The following EGFR variants were observed in gnomAD, a reference collection of about 807,000 sequenced individuals.
The protein encoded by EGFR is avian erythroblastic leukemia viral (v-erb-b) oncogene homolog.
In EGFR, 58 loss-of-function variants were observed where a neutral mutation model predicts 143.0. The ratio of observed to expected loss-of-function variants is 0.41; its 90% CI spans 0.33 to 0.50. The LOEUF (loss-of-function observed/expected upper bound fraction) is 0.50. Among genes scored for constraint, EGFR ranks in the 20% least tolerant of loss-of-function variants. The probability of loss-of-function intolerance (pLI) is 0.39; values close to 1 mark genes in which losing one functional copy is unlikely to be tolerated. For synonymous variants in EGFR, 613 were observed against 594.4 expected, an observed-to-expected ratio of 1.03 and a Z score of -0.45; for missense variants, 1,307 against 1,579.0, an observed-to-expected ratio of 0.83 and a Z score of 2.92.
intron 1 of EGFR, among the ~76,000 whole-genome samples, chr7:55,034,943 A>G (rs1787473127): frequency 6.6e-6 from 1 of 152,180 alleles, no homozygotes; most frequent in African/African-American, 2.4e-5. Context: ...TGCAAGTGGG[A>G]TGAAGGGTGG....
At chr7:55,133,580 C>T (rs529068832) in intron 1 of EGFR, among the ~76,000 whole-genome samples, 9 of 152,232 alleles carry the variant, frequency 5.9e-5, no homozygotes, top group Non-Finnish European at 1.3e-4. Flanking sequence ...CTACCTTCTA[C>T]CAGATGTCTC....
intron 1 of EGFR, among the ~76,000 whole-genome samples, chr7:55,121,554 T>C (rs1793208280): frequency 6.6e-6 from 1 of 152,214 alleles, no homozygotes; most frequent in South Asian, 2.1e-4. Flanking sequence ...TGTCTTCTGC[T>C]CTGTCTCCCT....
intron 1 of EGFR, among the ~76,000 whole-genome samples, chr7:55,047,374 G>A (rs755097659): frequency 6.6e-6 from 1 of 152,244 alleles, no homozygotes; most frequent in Non-Finnish European, 1.5e-5. Flanking sequence ...CCTGAAAAGA[G>A]AGTAGCCTAA....
At chr7:55,034,295 C>G (rs11978110) in intron 1 of EGFR, among the ~76,000 whole-genome samples, 74,926 of 151,944 alleles carry the variant, frequency 0.49, 18,895 homozygotes, top group East Asian at 0.8. Context: ...GTGCAGTGGC[C>G]CGACCTCGGC....
intron 1 of EGFR, among the ~76,000 whole-genome samples, chr7:55,141,067 T>C (rs1419619535): frequency 6.6e-6 from 1 of 152,202 alleles, no homozygotes; most frequent in Non-Finnish European, 1.5e-5. Flanking sequence ...GTGTATTGAT[T>C]TTGGCCATGG....
At chr7:55,107,230 C>T (rs1792189364) in intron 1 of EGFR, among the ~76,000 whole-genome samples, 1 of 152,174 alleles carries the variant, frequency 6.6e-6, no homozygotes, top group Non-Finnish European at 1.5e-5. Flanking sequence ...TTCTTTCCCT[C>T]CCCAGTTTTT....
chr7:55,084,586 T>C (rs923204050), intron 1 of EGFR, among the ~76,000 whole-genome samples: 1 of 152,230 alleles, frequency 6.6e-6, no homozygotes, highest in Admixed American at 6.5e-5. Context: ...AGAGATATAA[T>C]AAAGCTGGAC....
At chr7:55,160,067 A>C in intron 11 of EGFR, 72 bp from the exon 12 acceptor site, 1 of 1,549,340 alleles carries the variant, frequency 6.5e-7, no homozygotes, top group Non-Finnish European at 8.9e-7. Flanking sequence ...GGTGGTCTGG[A>C]GAAACAAAGT....
chr7:55,188,417 G>A (rs1041457798), intron 20 of EGFR, among the ~76,000 whole-genome samples: 1 of 152,186 alleles, frequency 6.6e-6, no homozygotes, highest in Non-Finnish European at 1.5e-5. Flanking sequence ...AATAAGCCCC[G>A]ACAGCCATGT....
chr7:55,176,838 ATATTTAGAGAGATATATATT>A (rs1562786987), intron 19 of EGFR, among the ~76,000 whole-genome samples: 1 of 147,120 alleles, frequency 6.8e-6, no homozygotes, highest in African/African-American at 2.5e-5. Flanking sequence ...AGAGAGATAT[ATATTTAGAGAGATATATATT>A]TAGAGATTTA....
In EGFR at chr7:55,090,382, C is replaced by G. The variant is rs574000135; in HGVS notation, c.89-51904C>G. Among the ~76,000 whole-genome samples, 5 of 152,340 alleles carry G rather than the reference C, an allele frequency of 3.3e-5. No homozygotes were observed. In the South Asian group the frequency reaches 1.0e-3, roughly 32 times the overall value. The stretch of plus-strand genomic sequence containing the variant: ...CAGTACAAAGGCCACCAGCCAAGGT[C>G]ACACAGCCAAAAAGCCCCTGACCTC... On this transcript the variant is annotated intron_variant, in intron 1 of 27. Transcript: ENST00000275493.
intron 1 of EGFR, among the ~76,000 whole-genome samples, chr7:55,123,052 G>A (rs1055055184): frequency 1.3e-5 from 2 of 152,238 alleles, no homozygotes; most frequent in Admixed American, 1.3e-4. Flanking sequence ...GGATGACCAG[G>A]CTAGTTTGTA....
At chr7:55,036,681 TA>T (rs529777647) in intron 1 of EGFR, among the ~76,000 whole-genome samples, 1 of 152,176 alleles carries the variant, frequency 6.6e-6, no homozygotes, top group Non-Finnish European at 1.5e-5. Flanking sequence ...TATAACTAGC[TA>T]AAAGATCTCT....
chr7:55,099,343 A>G (rs1204402899), intron 1 of EGFR, among the ~76,000 whole-genome samples: 1 of 152,118 alleles, frequency 6.6e-6, no homozygotes, highest in Non-Finnish European at 1.5e-5. Context: ...AGACCATGAG[A>G]TGGGTGAGTT....
intron 7 of EGFR, among the ~76,000 whole-genome samples, chr7:55,155,605 A>G (rs1324856605): frequency 6.6e-6 from 1 of 152,234 alleles, no homozygotes; most frequent in East Asian, 1.9e-4. Flanking sequence ...GTTTCCTGCC[A>G]TGATGAAACA....
At chr7:55,086,710 G>A (rs1342430573) in intron 1 of EGFR, among the ~76,000 whole-genome samples, 1 of 152,218 alleles carries the variant, frequency 6.6e-6, no homozygotes, top group Non-Finnish European at 1.5e-5. Context: ...GCACACTTGG[G>A]TGGCAGCACA....
chr7:55,199,744 A>G lies in EGFR; in HGVS notation c.2849-572A>G, dbSNP rs527998282. ...AGTCACATGCAGCAGCACAGTTAAC[A>G]GTGTGTCCTCCTGTGGAAGTTGCCA... On this transcript the variant is annotated intron_variant, in intron 23 of 27. Coordinates refer to ENST00000275493, the MANE Select transcript of EGFR (RefSeq NM_005228.5). Among the ~76,000 whole-genome samples, 269 of 152,198 alleles carry G rather than the reference A, an allele frequency of 1.8e-3. 1 individual carries two copies. The highest frequency in any genetic ancestry group is 6.2e-3 in the African/African-American group (257 of 41,568).
chr7:55,037,618 G>A (rs550288434), intron 1 of EGFR, among the ~76,000 whole-genome samples: 1 of 152,266 alleles, frequency 6.6e-6, no homozygotes, highest in African/African-American at 2.4e-5. Context: ...ACACTTCTAT[G>A]CTCACGGAAG....
At chr7:55,066,312 C>T (rs1350941801) in intron 1 of EGFR, among the ~76,000 whole-genome samples, 2 of 152,196 alleles carry the variant, frequency 1.3e-5, no homozygotes, top group South Asian at 2.1e-4. Context: ...GAGGCACTGT[C>T]GTGCCAGCTA....
Sources: allele counts gnomAD v4.1 joint callset (sites outside exome capture counted in the v4.1 genomes callset), GRCh38; gene constraint gnomAD v4.1.1; transcripts MANE v1.5; gene names NCBI Gene and HGNC (gene_info 2026-07-23, HGNC 2026-07-21).